CPE: variants seen among roughly 807,000 people sequenced by gnomAD.
CPE encodes carbocypeptidase E.
CPE carries 17 observed loss-of-function variants against 53.5 expected under a neutral mutation model. That is an observed-to-expected ratio of 0.32 (90% confidence interval 0.22 to 0.48). CPE has a LOEUF of 0.48. CPE is among the 20% of genes least tolerant of loss of function. The pLI is 0.99. For missense variants in CPE, 524 were observed against 614.7 expected, an observed-to-expected ratio of 0.85 and a Z score of 1.56; for synonymous variants, 226 against 228.8, an observed-to-expected ratio of 0.99 and a Z score of 0.11.
Position 165,467,843 on chromosome 4 carries a change from T to C in CPE, c.660T>C (p.Asp220=), listed in dbSNP as rs757471198. The change falls in exon 3 of 9, where the codon GAT becomes GAC. Residue 220 remains aspartate, a synonymous_variant. Coordinates refer to ENST00000402744, the MANE Select transcript of CPE (RefSeq NM_001873.4). The part of the protein sequence containing the change: ...HLLKNMKKIV[D]QNTKLAPETK... ...TGAAAAATATGAAGAAAATTGTGGA[T>C]CAAAACACAAAGGTAGTGACCACGG... 3 of 1,613,396 alleles carry C rather than the reference T, an allele frequency of 1.9e-6. No individual in the cohort carries two copies. The highest frequency in any genetic ancestry group is 1.7e-6 in the Non-Finnish European group (2 of 1,179,686).
intron 1 of CPE, among the ~76,000 whole-genome samples, chr4:165,397,907 C>T (rs1460780667): frequency 1.3e-5 from 2 of 151,468 alleles, no homozygotes; most frequent in African/African-American, 2.4e-5. Context: ...GAAAAATTAG[C>T]CAGGCATTGT....
chr4:165,476,597 C>T (rs1485682704), intron 3 of CPE, among the ~76,000 whole-genome samples: 1 of 152,060 alleles, frequency 6.6e-6, no homozygotes, highest in African/African-American at 2.4e-5. Flanking sequence ...GGGAGACTGC[C>T]TTTCGCTGGC....
intron 1 of CPE, among the ~76,000 whole-genome samples, chr4:165,415,940 T>C (rs1731115374): frequency 6.6e-6 from 1 of 152,162 alleles, no homozygotes; most frequent in Non-Finnish European, 1.5e-5. Context: ...TTAGTTTTCT[T>C]TAGGATCTAG....
At chr4:165,389,817 T>C (rs78380031) in intron 1 of CPE, among the ~76,000 whole-genome samples, 3,247 of 152,344 alleles carry the variant, frequency 0.021, 120 homozygotes, top group African/African-American at 0.074. Context: ...ATATTGTCAG[T>C]GCTTTATTTT....
chr4:165,402,665 G>A (rs532570076), intron 1 of CPE, among the ~76,000 whole-genome samples: 264 of 152,306 alleles, frequency 1.7e-3, no homozygotes, highest in African/African-American at 6.1e-3. Context: ...CCCAGAAGCC[G>A]TGTAGACGCA....
At chr4:165,392,965 T>C (rs1730708903) in intron 1 of CPE, among the ~76,000 whole-genome samples, 1 of 151,272 alleles carries the variant, frequency 6.6e-6, no homozygotes, top group African/African-American at 2.4e-5. Context: ...TACTAGATTA[T>C]ATTGTAATTA....
At chr4:165,448,548 C>T (rs1171203289) in intron 1 of CPE, among the ~76,000 whole-genome samples, 1 of 152,116 alleles carries the variant, frequency 6.6e-6, no homozygotes, top group Non-Finnish European at 1.5e-5. Context: ...CCACTTCTCT[C>T]TGGGCATGGG....
chr4:165,440,462 CCACACACA>C (rs1192278322), intron 1 of CPE, among the ~76,000 whole-genome samples: 1 of 139,092 alleles, frequency 7.2e-6, no homozygotes, highest in Non-Finnish European at 1.6e-5. Context: ...CCACCCCCCC[CCACACACA>C]CAAGCTGTGG....
chr4:165,465,124 G>T (rs368401366), intron 2 of CPE, among the ~76,000 whole-genome samples: 1 of 151,950 alleles, frequency 6.6e-6, no homozygotes, highest in African/African-American at 2.4e-5. Flanking sequence ...ATATATCTTC[G>T]CTGTTAGATG....
chr4:165,428,129 A>G (rs1422698100), intron 1 of CPE, among the ~76,000 whole-genome samples: 1 of 152,192 alleles, frequency 6.6e-6, no homozygotes, highest in Non-Finnish European at 1.5e-5. Context: ...TTCTAGGCTC[A>G]AGACATCCTC....
chr4:165,441,869 T>C (rs974150476), intron 1 of CPE, among the ~76,000 whole-genome samples: 10 of 152,216 alleles, frequency 6.6e-5, no homozygotes, highest in African/African-American at 2.4e-4. Context: ...ATTATCTTTT[T>C]GGCTGGTAGA....
intron 1 of CPE, among the ~76,000 whole-genome samples, chr4:165,416,092 GC>G (rs1232602721): frequency 6.6e-6 from 1 of 152,152 alleles, no homozygotes; most frequent in Admixed American, 6.5e-5. Context: ...GCACTCCCCT[GC>G]CAGCTCAGCT....
chr4:165,460,623 A>G (rs1032803152), intron 1 of CPE, among the ~76,000 whole-genome samples: 2 of 152,094 alleles, frequency 1.3e-5, no homozygotes, highest in Non-Finnish European at 2.9e-5. Flanking sequence ...TCACTGCTCC[A>G]GAAGGGTTTT....
intron 1 of CPE, among the ~76,000 whole-genome samples, chr4:165,394,488 C>T (rs928672625): frequency 2.0e-4 from 30 of 152,194 alleles, no homozygotes; most frequent in Admixed American, 1.8e-3. Context: ...GGGCAACCCT[C>T]AGTTGTGTGC....
At position 165,386,204 on chromosome 4, in the gene CPE, T is replaced by C. The variant is rs185458410; in HGVS notation, c.307+6676T>C. ...TTAATTCAATATGTGGCAACAATTA[T>C]TATTACCTCATTATGGTATTTCCCA... is the stretch of plus-strand genomic sequence containing the variant. On this transcript the variant is annotated intron_variant, in intron 1 of 8. Transcript: ENST00000402744. 7 of 514,596 alleles carry C rather than the reference T, an allele frequency of 1.4e-5. No homozygotes were observed. In the East Asian group the frequency reaches 3.4e-4, roughly 25 times the overall value. 31.9% of individuals were successfully genotyped at this position (514,596 alleles called of 1,614,324 possible).
chr4:165,408,992 G>A (rs914680801), intron 1 of CPE, among the ~76,000 whole-genome samples: 2 of 152,200 alleles, frequency 1.3e-5, no homozygotes, highest in African/African-American at 4.8e-5. Context: ...ATAATCTCAA[G>A]CATTTACCTC....
chr4:165,483,131 A>C (rs145492120), intron 4 of CPE, among the ~76,000 whole-genome samples: 57 of 151,592 alleles, frequency 3.8e-4, no homozygotes, highest in African/African-American at 1.3e-3. Flanking sequence ...GTAATTTTTC[A>C]CCCCTCACCT....
chr4:165,394,395 A>G (rs1181127839), intron 1 of CPE, among the ~76,000 whole-genome samples: 1 of 152,290 alleles, frequency 6.6e-6, no homozygotes, highest in African/African-American at 2.4e-5. Flanking sequence ...CATCTCCCAC[A>G]TGACTGACCA....
At chr4:165,468,624 G>C (rs953131646) in intron 3 of CPE, among the ~76,000 whole-genome samples, 1 of 152,082 alleles carries the variant, frequency 6.6e-6, no homozygotes, top group African/African-American at 2.4e-5. Flanking sequence ...TCAGCGATTT[G>C]ATCTCTCTGA....
Sources: gnomAD v4.1 joint callset for allele counts (sites outside exome capture counted in the v4.1 genomes callset) on GRCh38, gnomAD v4.1.1 for gene constraint, MANE v1.5 for transcripts, NCBI Gene and HGNC (gene_info 2026-07-23, HGNC 2026-07-21) for gene names.